Variants in PCDHA10 observed in about 807,000 individuals in gnomAD.
PCDHA10 encodes the protein protocadherin alpha 10.
PCDHA10 carries 45 observed loss-of-function variants against 61.2 expected under a neutral mutation model. That is an observed-to-expected ratio of 0.74 (90% confidence interval 0.58 to 0.94). PCDHA10 has a LOEUF of 0.94. PCDHA10 is among the 40% of genes least tolerant of loss of function. The pLI is 0.00. For missense variants in PCDHA10, 1,278 were observed against 1,236.2 expected (o/e 1.03, Z -0.51); for synonymous variants, 602 against 548.8 (o/e 1.10, Z -1.35).
intron 1 of PCDHA10, chr5:140,877,741 A>C: frequency 6.2e-7 from 1 of 1,614,182 alleles, no homozygotes; most frequent in Non-Finnish European, 8.5e-7. Context: ...GAGGAGGCAG[A>C]GGGTGTGCTC....
intron 1 of PCDHA10, chr5:140,870,871 G>T (rs1257856778): frequency 1.2e-6 from 2 of 1,613,826 alleles, no homozygotes; most frequent in African/African-American, 2.7e-5. Context: ...GGGCCACGTG[G>T]TGGCGAAGGT....
intron 3 of PCDHA10, among the ~76,000 whole-genome samples, chr5:140,987,740 A>G (rs1454887233): frequency 6.6e-6 from 1 of 152,078 alleles, no homozygotes; most frequent in Admixed American, 6.5e-5. Flanking sequence ...CAAAATTTAG[A>G]CCCAGGTTGT....
rs782448071 is a variant in PCDHA10 at position 140,858,265 on chromosome 5, C to T, written c.2217C>T (p.Cys739=). The T allele has an allele frequency of 4.1e-5, 66 of 1,597,068 alleles. 7 individuals carry two copies. Among genetic ancestry groups the T allele is most frequent in the Non-Finnish European group, 5.4e-5 (63 of 1,166,972 alleles). The part of the protein sequence containing the change: ...ACGPVKPTLV[C]SSAVGSWSYS... ...GGCCGGTGAAGCCCACGCTGGTGTG[C>T]TCTAGCGCGGTGGGGAGCTGGTCTT... The change falls in exon 1 of 4, where the codon TGC becomes TGT. Residue 739 remains cysteine, a synonymous_variant. Coordinates refer to ENST00000307360, the MANE Select transcript of PCDHA10 (RefSeq NM_018901.4).
At chr5:140,884,258 A>G (rs782780491) in intron 1 of PCDHA10, 1 of 1,613,390 alleles carries the variant, frequency 6.2e-7, no homozygotes, top group South Asian at 1.1e-5. Flanking sequence ...GGCCACGGCA[A>G]CGGTGCTGTT....
At chr5:140,903,313 C>G (rs974760383) in intron 1 of PCDHA10, among the ~76,000 whole-genome samples, 2 of 152,088 alleles carry the variant, frequency 1.3e-5, no homozygotes, top group South Asian at 4.1e-4. Context: ...ACAATAAAGA[C>G]AGCATTTTTA....
intron 1 of PCDHA10, chr5:140,969,555 C>A: frequency 1.6e-6 from 2 of 1,213,380 alleles, no homozygotes; most frequent in Non-Finnish European, 2.2e-6. Flanking sequence ...GAAGCCTTGT[C>A]CATAAAATTG....
intron 1 of PCDHA10, chr5:140,929,973 G>A (rs955255771): frequency 6.6e-6 from 1 of 152,136 alleles, no homozygotes; most frequent in Non-Finnish European, 1.5e-5. Context: ...TTTGGTGAAG[G>A]TGTCTTCTTT....
chr5:140,863,282 A>G (rs782183211), intron 1 of PCDHA10: 1 of 1,461,396 alleles, frequency 6.8e-7, no homozygotes, highest in Non-Finnish European at 9.3e-7. Flanking sequence ...GTGGATGTCA[A>G]CGTGTACCTG....
At chr5:140,967,936 T>G in intron 1 of PCDHA10, 1 of 1,614,226 alleles carries the variant, frequency 6.2e-7, no homozygotes, top group Non-Finnish European at 8.5e-7. Flanking sequence ...TCAGTGTCAA[T>G]GACCAAGACT....
intron 3 of PCDHA10, among the ~76,000 whole-genome samples, chr5:140,984,861 C>T (rs1163314869): frequency 6.6e-6 from 1 of 151,870 alleles, no homozygotes; most frequent in Non-Finnish European, 1.5e-5. Flanking sequence ...ATAATAACAC[C>T]TATTTTATTG....
chr5:140,862,965 C>T (rs1358517266), intron 1 of PCDHA10: 5 of 543,666 alleles, frequency 9.2e-6, no homozygotes, highest in African/African-American at 7.7e-5. Flanking sequence ...TCAGTGGATG[C>T]AGGCCACTTG....
Position 140,947,404 on chromosome 5 carries a change from T to C in PCDHA10, c.2389-31545T>C, listed in dbSNP as rs1305199507. On this transcript the variant is annotated intron_variant, in intron 1 of 3. Transcript: ENST00000307360. ...ATCCTTTCACTAAAAGTAGACTGTC[T>C]TGATATTGTAGCTTTATAAATTTGA... is the stretch of plus-strand genomic sequence containing the variant. Among the ~76,000 whole-genome samples the C allele has an allele frequency of 2.6e-5, 4 of 151,736 alleles. No individual in the cohort carries two copies. In the East Asian group the frequency reaches 5.8e-4, roughly 22 times the overall value.
In PCDHA10 at chr5:140,857,075, A is replaced by G; in HGVS notation, c.1027A>G (p.Asn343Asp). ...GGTCCTAGTGGAACTACTGGATGAAAATGATAATTCACCTGAGGTGATTGT... is the reference window on the plus strand; with the variant it reads ...GGTCCTAGTGGAACTACTGGATGAAGATGATAATTCACCTGAGGTGATTGT... Reference protein sequence around the residue: ...CTVLVELLDENDNSPEVIVTS... With the variant: ...CTVLVELLDEDDNSPEVIVTS... The change falls in exon 1 of 4, where the codon AAT becomes GAT. Residue 343 changes from asparagine to aspartate, a missense_variant. By Grantham distance (23) the Asn-to-Asp change is conservative (BLOSUM62 1). Coordinates refer to ENST00000307360, the MANE Select transcript of PCDHA10 (RefSeq NM_018901.4). The G allele has an allele frequency of 6.3e-7, 1 of 1,597,052 alleles. No homozygotes were observed. The highest frequency in any genetic ancestry group is 1.3e-5 in the African/African-American group (1 of 74,316).
Position 140,870,720 on chromosome 5 carries a change from G to A in PCDHA10, c.2388+12284G>A, listed in dbSNP as rs544150374. ...AGTTCCAGGTGAGCGCGCGCGATGC[G>A]GGCGTGCCGCCTCTGAGCAGCAACG... On this transcript the variant is annotated intron_variant, in intron 1 of 3. Coordinates refer to ENST00000307360, the MANE Select transcript of PCDHA10 (RefSeq NM_018901.4). The A allele has an allele frequency of 3.7e-6, 6 of 1,613,204 alleles. No homozygotes were observed. In the East Asian group the frequency reaches 6.7e-5, roughly 18 times the overall value.
chr5:140,869,343 G>A (rs1554162925), intron 1 of PCDHA10: 1 of 1,613,974 alleles, frequency 6.2e-7, no homozygotes, highest in African/African-American at 1.3e-5. Context: ...TAAATCTGCA[G>A]AATGGCATTT....
intron 1 of PCDHA10, among the ~76,000 whole-genome samples, chr5:140,915,092 C>T (rs781958993): frequency 9.2e-5 from 14 of 151,760 alleles, no homozygotes; most frequent in East Asian, 1.9e-4. Context: ...ACTATGGGCA[C>T]GCACCACCAC....
At chr5:140,960,823 G>A (rs370898808) in intron 1 of PCDHA10, among the ~76,000 whole-genome samples, 2 of 152,012 alleles carry the variant, frequency 1.3e-5, no homozygotes, top group East Asian at 3.9e-4. Context: ...AGTGATGAAT[G>A]GAAACTTGGA....
intron 1 of PCDHA10, chr5:140,869,706 T>C (rs1554163364): frequency 2.5e-6 from 4 of 1,613,406 alleles, no homozygotes; most frequent in South Asian, 1.1e-5. Flanking sequence ...AGTCTCTGGA[T>C]AGAGAGAAAA....
chr5:141,002,059 G>A (rs983772482), intron 3 of PCDHA10, among the ~76,000 whole-genome samples: 1 of 152,242 alleles, frequency 6.6e-6, no homozygotes, highest in Non-Finnish European at 1.5e-5. Flanking sequence ...AGAGGCAGCA[G>A]CAGCCGCCAG....
Sources: gnomAD v4.1 joint callset for allele counts (sites outside exome capture counted in the v4.1 genomes callset) on GRCh38, gnomAD v4.1.1 for gene constraint, MANE v1.5 for transcripts, NCBI Gene and HGNC (gene_info 2026-07-23, HGNC 2026-07-21) for gene names.